LRP5: variants seen among roughly 807,000 people sequenced by gnomAD.
LRP5 encodes the protein LDL receptor related protein 5.
A neutral mutation model predicts 154.1 loss-of-function variants in LRP5; 62 were observed. The observed-to-expected ratio is 0.40, with a 90% CI of 0.33 to 0.50. The LOEUF is 0.50. LRP5 is among the 20% of genes least tolerant of loss of function. The pLI, the probability that LRP5 is intolerant of heterozygous loss-of-function variation, is 0.55. For missense variants in LRP5, 1,915 were observed against 2,336.7 expected (o/e 0.82, Z 3.72); for synonymous variants, 966 against 1,011.5 (o/e 0.96, Z 0.85).
At chr11:68,409,065 A>T (rs56110343) in intron 9 of LRP5, among the ~76,000 whole-genome samples, 726 of 32,524 alleles carry the variant, frequency 0.022, 9 homozygotes, top group Non-Finnish European at 0.027. Context: ...AAAAAAAAAA[A>T]AAAAAAAAAT....
chr11:68,341,792 G>A lies in LRP5; in HGVS notation c.92-6055G>A, dbSNP rs140590995. On this transcript the variant is annotated intron_variant, in intron 1 of 22. Coordinates refer to ENST00000294304, the MANE Select transcript of LRP5 (RefSeq NM_002335.4). ...CTTCTCATGTAGCATGCAGCCCCCC[G>A]ACCCACTTCACCCTGCACCATTTCC... Among the ~76,000 whole-genome samples the A allele has an allele frequency of 2.6e-3, 395 of 151,496 alleles. 3 individuals are homozygous for A. The highest frequency in any genetic ancestry group is 0.024 in the Middle Eastern group (7 of 294).
chr11:68,432,746 G>GGGCCACCTCGAAGCCTA (rs1165278695), intron 17 of LRP5, among the ~76,000 whole-genome samples: 1 of 152,160 alleles, frequency 6.6e-6, no homozygotes, highest in Non-Finnish European at 1.5e-5. Flanking sequence ...AGGAAATGGG[G>GGGCCACCTCGAAGCCTA]GGCCACCTCG....
chr11:68,386,292 AC>A lies in LRP5; in HGVS notation c.1016-20del. On this transcript the variant is annotated intron_variant, in intron 5 of 22. Coordinates refer to ENST00000294304, the MANE Select transcript of LRP5 (RefSeq NM_002335.4). This position sits in a 1 kb window ranked among gnomAD's most constrained non-coding sequence, Gnocchi z 7.9. ...GCCTGCTGCAGGCCCTTGACCCCTG[AC>A]CCCATTGCACCTGTCTCCACAGGAG... 6.2e-7 allele frequency: 1 copy of A among 1,608,474 alleles called. No individual in the cohort carries two copies.
At chr11:68,304,676 A>C in the LRP5 span, among the ~76,000 whole-genome samples, 1 of 152,386 alleles carries the variant, frequency 6.6e-6, no homozygotes, top group African/African-American at 2.4e-5. Flanking sequence ...AGAGCTGCCC[A>C]AGGCCTTGGG....
At chr11:68,402,741 A>G (rs1206983732) in intron 7 of LRP5, among the ~76,000 whole-genome samples, 1 of 152,096 alleles carries the variant, frequency 6.6e-6, no homozygotes, top group East Asian at 1.9e-4. Flanking sequence ...AGGCATTGCT[A>G]ATTGATCCCA....
chr11:68,376,708 G>C (rs907671406), intron 5 of LRP5, among the ~76,000 whole-genome samples: 1 of 152,256 alleles, frequency 6.6e-6, no homozygotes, highest in Non-Finnish European at 1.5e-5. Flanking sequence ...AGCAGTACAA[G>C]TAACCGCTGC....
chr11:68,401,712 A>G (rs2098652711), intron 7 of LRP5, among the ~76,000 whole-genome samples: 1 of 151,640 alleles, frequency 6.6e-6, no homozygotes, highest in African/African-American at 2.4e-5. Flanking sequence ...TTTTTGAGAC[A>G]AGATCTCACC....
chr11:68,424,995 C>T, intron 14 of LRP5, 107 bp from the exon 15 acceptor site: 1 of 920,418 alleles, frequency 1.1e-6, no homozygotes, highest in Non-Finnish European at 1.7e-6. Context: ...CCTCGGGCAG[C>T]CCTGAGAGGC....
chr11:68,368,947 C>T (rs1401221633), intron 5 of LRP5, among the ~76,000 whole-genome samples: 1 of 151,054 alleles, frequency 6.6e-6, no homozygotes, highest in Admixed American at 6.6e-5. Context: ...AAGCAATTCT[C>T]CTGCCTCAGC....
intron 1 of LRP5, among the ~76,000 whole-genome samples, chr11:68,344,201 G>A (rs1013756907): frequency 6.6e-6 from 1 of 152,196 alleles, no homozygotes; most frequent in Admixed American, 6.5e-5. Flanking sequence ...ACCTGTTTGG[G>A]GCAGGCAGGG....
chr11:68,382,001 G>T (rs1415455384), intron 5 of LRP5, among the ~76,000 whole-genome samples: 1 of 152,244 alleles, frequency 6.6e-6, no homozygotes, highest in East Asian at 1.9e-4. Context: ...CACCACTGGG[G>T]TCACCTCTGT....
chr11:68,313,327 G>T (rs1029000828), intron 1 of LRP5, among the ~76,000 whole-genome samples: 2 of 152,086 alleles, frequency 1.3e-5, no homozygotes, highest in East Asian at 3.9e-4. Flanking sequence ...CCTGTGAGCC[G>T]CGTGGCTGTG....
intron 21 of LRP5, among the ~76,000 whole-genome samples, chr11:68,444,059 T>C (rs2098680124): frequency 6.6e-6 from 1 of 152,184 alleles, no homozygotes; most frequent in Non-Finnish European, 1.5e-5. Flanking sequence ...GGCATCCAGC[T>C]TGTTTCTTGG....
In LRP5 at chr11:68,409,021, A is replaced by T. The variant is rs527678293; in HGVS notation, c.2092-893A>T. On this transcript the variant is annotated intron_variant, in intron 9 of 22. Coordinates refer to ENST00000294304, the MANE Select transcript of LRP5 (RefSeq NM_002335.4). Reference sequence around the variant, plus strand: ...CCTGAGATTACTCCACTGTACTCCAACCTGAGCGACAGAGCAAGACTTATC... The same window carrying T: ...CCTGAGATTACTCCACTGTACTCCATCCTGAGCGACAGAGCAAGACTTATC... Among the ~76,000 whole-genome samples, 16 of 137,682 alleles carry T rather than the reference A, an allele frequency of 1.2e-4. No individual in the cohort carries two copies. In the South Asian group the frequency reaches 3.6e-3, roughly 31 times the overall value. 90.3% of individuals were successfully genotyped at this position (137,682 alleles called of 152,430 possible).
chr11:68,347,450 C>T (rs551183048), intron 1 of LRP5, among the ~76,000 whole-genome samples: 2 of 152,324 alleles, frequency 1.3e-5, no homozygotes, highest in African/African-American at 2.4e-5. Context: ...CCTGCATGTC[C>T]CCATCCCCTG....
rs1304890436 is a variant in LRP5 at position 68,423,644 on chromosome 11, G to A, written c.3183G>A (p.Val1061=). The A allele has an allele frequency of 1.2e-6, 2 of 1,614,058 alleles. No individual in the cohort carries two copies. The highest frequency in any genetic ancestry group is 1.7e-6 in the Non-Finnish European group (2 of 1,180,012). Residue 1061 remains valine (V), a synonymous_variant, in exon 14 of 23, where the codon GTG becomes GTA. Coordinates refer to ENST00000294304, the MANE Select transcript of LRP5 (RefSeq NM_002335.4). The surrounding 1 kb of genome is among the most constrained non-coding windows in gnomAD (Gnocchi z 4.7). The part of the protein sequence containing the change: ...HRLSGEAMGV[V]LRGDRDKPRA... ...TGAGCGGGGAAGCCATGGGGGTGGT[G>A]CTGCGTGGGGACCGCGACAAGCCCA...
chr11:68,418,856 C>T (rs2098664000), intron 13 of LRP5, among the ~76,000 whole-genome samples: 7 of 152,098 alleles, frequency 4.6e-5, no homozygotes, highest in Admixed American at 4.6e-4. Context: ...GAGAGAGGGA[C>T]GTGTTAATTG....
chr11:68,405,008 A>ATT (rs1240297082), intron 8 of LRP5, among the ~76,000 whole-genome samples: 1 of 151,762 alleles, frequency 6.6e-6, no homozygotes, highest in African/African-American at 2.4e-5. Context: ...AAAAAAAAAA[A>ATT]ATTAGTCTGG....
At chr11:68,393,139 A>C (rs12222261) in intron 7 of LRP5, among the ~76,000 whole-genome samples, 40,929 of 150,868 alleles carry the variant, frequency 0.27, 6,191 homozygotes, top group Admixed American at 0.39. Flanking sequence ...GAAAAAAAAA[A>C]CAAAAAAAAA....
Sources: allele counts gnomAD v4.1 joint callset (sites outside exome capture counted in the v4.1 genomes callset), GRCh38; gene constraint gnomAD v4.1.1; non-coding constraint Gnocchi (gnomAD v3.1); transcripts MANE v1.5; gene names NCBI Gene and HGNC (gene_info 2026-07-23, HGNC 2026-07-21).